The following SEMA3E variants were observed in gnomAD, a reference collection of about 807,000 sequenced individuals.
SEMA3E encodes the protein semaphorin-3E.
A neutral mutation model predicts 93.6 loss-of-function variants in SEMA3E; 49 were observed. The ratio of observed to expected loss-of-function variants is 0.52; its 90% CI spans 0.42 to 0.66. SEMA3E has a LOEUF of 0.66. Ranked by LOEUF, SEMA3E falls within the 30% of genes least tolerant of loss-of-function variation. SEMA3E has a pLI of 0.00. For missense variants in SEMA3E, 906 were observed against 964.8 expected, an observed-to-expected ratio of 0.94 and a Z score of 0.81; for synonymous variants, 363 against 330.7, an observed-to-expected ratio of 1.10 and a Z score of -1.06.
intron 1 of SEMA3E, among the ~76,000 whole-genome samples, chr7:83,613,745 G>A (rs886469546): frequency 1.3e-5 from 2 of 151,926 alleles, no homozygotes; most frequent in Non-Finnish European, 2.9e-5. Flanking sequence ...ACATTTTGAG[G>A]CAGTTCTTTA....
chr7:83,570,367 A>C (rs1792250932), intron 1 of SEMA3E, among the ~76,000 whole-genome samples: 1 of 150,118 alleles, frequency 6.7e-6, no homozygotes, highest in Non-Finnish European at 1.5e-5. Flanking sequence ...TCCCGGCTAA[A>C]ACGGTGAAAC....
intron 1 of SEMA3E, among the ~76,000 whole-genome samples, chr7:83,556,902 G>C (rs1775428893): frequency 6.6e-6 from 1 of 152,100 alleles, no homozygotes; most frequent in Non-Finnish European, 1.5e-5. Flanking sequence ...TCCTCACCTT[G>C]GACTTGTGAG....
intron 16 of SEMA3E, among the ~76,000 whole-genome samples, chr7:83,369,272 T>C (rs927490940): frequency 1.3e-5 from 2 of 152,212 alleles, no homozygotes; most frequent in African/African-American, 4.8e-5. Context: ...AAGCATGTTT[T>C]TGTCCCTGTG....
At chr7:83,639,800 T>C (rs1263625423) in intron 1 of SEMA3E, among the ~76,000 whole-genome samples, 1 of 151,440 alleles carries the variant, frequency 6.6e-6, no homozygotes, top group Non-Finnish European at 1.5e-5. Context: ...ATTCAAAAAT[T>C]GTAAGTCTAT....
In SEMA3E at chr7:83,600,520, T is replaced by TC. The variant is rs1491511606; in HGVS notation, c.115+47907_115+47908insG. Among the ~76,000 whole-genome samples, 161 of 107,462 alleles carry TC rather than the reference T, an allele frequency of 1.5e-3. 1 individual carries two copies. The highest frequency in any genetic ancestry group is 2.5e-3 in the Non-Finnish European group (135 of 53,672). The allele number at this position is 107,462 out of a possible 152,430, so 70.5% of individuals were successfully genotyped here. On this transcript the variant is annotated intron_variant, in intron 1 of 16. Coordinates refer to ENST00000643230, the MANE Select transcript of SEMA3E (RefSeq NM_012431.3). Reference sequence around the variant, plus strand: ...TTTTTTTTTTTTTTTTTTTTTTTTTTGTATTTTTAGTAGAGACGGGGTTTC... The same window carrying TC: ...TTTTTTTTTTTTTTTTTTTTTTTTTTCGTATTTTTAGTAGAGACGGGGTTTC...
At chr7:83,376,969 T>C (rs1489710177) in intron 16 of SEMA3E, among the ~76,000 whole-genome samples, 1 of 152,018 alleles carries the variant, frequency 6.6e-6, no homozygotes, top group Non-Finnish European at 1.5e-5. Context: ...AGCAGTTTTC[T>C]TGTCTGCCTT....
In SEMA3E at chr7:83,392,499, A is replaced by G. The variant is rs1788038358; in HGVS notation, c.1667+56T>C. 1.2e-5 allele frequency: 17 copies of G among 1,413,502 alleles called. 1 individual carries two copies. The highest frequency in any genetic ancestry group is 3.7e-4 in the Middle Eastern group (2 of 5,402). The allele number at this position is 1,413,502 out of a possible 1,614,324, so 87.6% of individuals were successfully genotyped here. A position where few individuals can be genotyped will look rare whatever the true frequency, so the allele number is the denominator to read the frequency against. Reference sequence around the variant, plus strand: ...ACTTCAAGTTAAAAAAAAAAAAAAAAAAGCATTAGGGTTTTCCTAAGCAAG... The same window carrying G: ...ACTTCAAGTTAAAAAAAAAAAAAAAGAAGCATTAGGGTTTTCCTAAGCAAG... On this transcript the variant is annotated intron_variant, in intron 14 of 16. Coordinates refer to ENST00000643230, the MANE Select transcript of SEMA3E (RefSeq NM_012431.3).
At chr7:83,495,873 A>G (rs1790480840) in intron 1 of SEMA3E, among the ~76,000 whole-genome samples, 1 of 151,956 alleles carries the variant, frequency 6.6e-6, no homozygotes, top group Non-Finnish European at 1.5e-5. Context: ...TCCAGTGAAC[A>G]TGTGTTACTT....
chr7:83,560,594 A>T (rs942148758), intron 1 of SEMA3E, among the ~76,000 whole-genome samples: 2 of 151,992 alleles, frequency 1.3e-5, no homozygotes, highest in Admixed American at 6.6e-5. Context: ...TTTCCTATGC[A>T]TGTGTGGTTC....
At chr7:83,406,934 C>A (rs1194231006) in intron 7 of SEMA3E, among the ~76,000 whole-genome samples, 163 bp downstream of exon 7, 1 of 151,904 alleles carries the variant, frequency 6.6e-6, no homozygotes, top group Non-Finnish European at 1.5e-5. Flanking sequence ...TAAGATACAC[C>A]TTTCACTAGA....
chr7:83,384,181 T>G (rs1360785846), intron 16 of SEMA3E, among the ~76,000 whole-genome samples: 1 of 152,066 alleles, frequency 6.6e-6, no homozygotes, highest in Non-Finnish European at 1.5e-5. Flanking sequence ...ATGATTTTGA[T>G]CTAAAAACAT....
intron 4 of SEMA3E, among the ~76,000 whole-genome samples, chr7:83,445,718 C>T (rs1166528578): frequency 2.6e-5 from 4 of 151,458 alleles, no homozygotes; most frequent in East Asian, 3.9e-4. Context: ...GACTTCATCT[C>T]AAATTAAAAT....
intron 1 of SEMA3E, among the ~76,000 whole-genome samples, chr7:83,531,049 A>G (rs1791283987): frequency 6.6e-6 from 1 of 152,128 alleles, no homozygotes; most frequent in Admixed American, 6.6e-5. Flanking sequence ...ACCAAGGATT[A>G]TTTTTAAGAA....
intron 4 of SEMA3E, among the ~76,000 whole-genome samples, chr7:83,444,340 G>A (rs1789180907): frequency 6.6e-6 from 1 of 152,132 alleles, no homozygotes; most frequent in Admixed American, 6.5e-5. Flanking sequence ...AGGAAGCATA[G>A]GATCTGTCTC....
intron 6 of SEMA3E, 138 bp from the exon 7 acceptor site, chr7:83,407,377 T>A (rs548147555): frequency 1.3e-6 from 1 of 795,906 alleles, no homozygotes; most frequent in Non-Finnish European, 2.0e-6. Context: ...TTTTCTTGAA[T>A]TTTTTTACCA....
chr7:83,541,730 C>A (rs2115765598), intron 1 of SEMA3E, among the ~76,000 whole-genome samples: 1 of 152,178 alleles, frequency 6.6e-6, no homozygotes, highest in South Asian at 2.1e-4. Context: ...TGCTACCTTT[C>A]AGAGAAAGTG....
At chr7:83,469,398 C>CTTTTTTTTTTTTTTTTTT (rs10650403) in intron 2 of SEMA3E, 96 bp from the exon 3 acceptor site, 1 of 530,594 alleles carries the variant, frequency 1.9e-6, no homozygotes, top group Non-Finnish European at 3.3e-6. Flanking sequence ...AAAACATTTC[C>CTTTTTTTTTTTTTTTTTT]TTTTTTTTTT....
chr7:83,606,815 T>G (rs1753283775), intron 1 of SEMA3E, among the ~76,000 whole-genome samples: 1 of 151,894 alleles, frequency 6.6e-6, no homozygotes, highest in Non-Finnish European at 1.5e-5. Context: ...TGTTTTTAAC[T>G]AATGTATGTA....
intron 1 of SEMA3E, chr7:83,641,194 T>C (rs1367151436): frequency 6.2e-6 from 1 of 162,148 alleles, no homozygotes; most frequent in African/African-American, 2.4e-5. Context: ...TGGGTATTCC[T>C]GCTTATCCCA....
Sources: gnomAD v4.1 joint callset for allele counts (sites outside exome capture counted in the v4.1 genomes callset) on GRCh38, gnomAD v4.1.1 for gene constraint, MANE v1.5 for transcripts, NCBI Gene and HGNC (gene_info 2026-07-23, HGNC 2026-07-21) for gene names.